ADCY8: variants seen among roughly 807,000 people sequenced by gnomAD.
ADCY8 encodes the protein adenylate cyclase type 8.
A neutral mutation model predicts 119.7 loss-of-function variants in ADCY8; 51 were observed. That is an observed-to-expected ratio of 0.43 (90% confidence interval 0.34 to 0.54). The LOEUF (loss-of-function observed/expected upper bound fraction) is 0.54, where lower values mean the gene tolerates loss of function less well. Among genes scored for constraint, ADCY8 ranks in the 20% least tolerant of loss-of-function variants. The probability of loss-of-function intolerance (pLI) is 0.03; values close to 1 mark genes in which losing one functional copy is unlikely to be tolerated. For synonymous variants in ADCY8, 665 were observed against 651.0 expected, an observed-to-expected ratio of 1.02 and a Z score of -0.33; for missense variants, 1,383 against 1,598.8, an observed-to-expected ratio of 0.87 and a Z score of 2.30.
chr8:130,812,507 A>G (rs1217770866), intron 14 of ADCY8, among the ~76,000 whole-genome samples: 2 of 152,208 alleles, frequency 1.3e-5, no homozygotes. Context: ...TTAAAAGGAG[A>G]GTACACTTGT....
intron 8 of ADCY8, among the ~76,000 whole-genome samples, chr8:130,875,951 T>C (rs1818546517): frequency 6.6e-6 from 1 of 152,222 alleles, no homozygotes; most frequent in Non-Finnish European, 1.5e-5. Context: ...TGGTTCATAG[T>C]AAGCACTATT....
chr8:130,866,163 G>T (rs1456840724), intron 9 of ADCY8, among the ~76,000 whole-genome samples: 1 of 151,944 alleles, frequency 6.6e-6, no homozygotes, highest in Non-Finnish European at 1.5e-5. Flanking sequence ...TAGTCCATGA[G>T]GTTTTTGGTT....
At chr8:130,895,303 A>C (rs1819348588) in intron 7 of ADCY8, among the ~76,000 whole-genome samples, 1 of 152,076 alleles carries the variant, frequency 6.6e-6, no homozygotes, top group Non-Finnish European at 1.5e-5. Flanking sequence ...TGTGTAGAAA[A>C]GTTTTAGCAG....
At chr8:130,932,881 T>G (rs1229884020) in intron 5 of ADCY8, among the ~76,000 whole-genome samples, 2 of 152,216 alleles carry the variant, frequency 1.3e-5, no homozygotes, top group Admixed American at 1.3e-4. Context: ...ATGTTTGGAA[T>G]GATCAGTGAG....
chr8:130,849,895 A>G lies in ADCY8; in HGVS notation c.2211-92T>C, dbSNP rs749396590. 45 of 1,024,622 alleles carry G rather than the reference A, an allele frequency of 4.4e-5. 1 individual carries two copies. The highest frequency in any genetic ancestry group is 5.9e-4 in the Middle Eastern group (2 of 3,378). The allele number at this position is 1,024,622 out of a possible 1,614,324, so 63.5% of individuals were successfully genotyped here. ...CTGGTCTTCCTTTCCCATCCCTTGC[A>G]TCGGATACTTCTTTGAAAGTTCTGT... On this transcript the variant is annotated intron_variant, in intron 9 of 17. Coordinates refer to ENST00000286355, the MANE Select transcript of ADCY8 (RefSeq NM_001115.3).
At chr8:130,807,328 T>C (rs555980615) in intron 14 of ADCY8, among the ~76,000 whole-genome samples, 1 of 152,350 alleles carries the variant, frequency 6.6e-6, no homozygotes, top group Admixed American at 6.5e-5. Context: ...CATTCAGGTC[T>C]CTGATCAAAT....
chr8:130,894,639 A>G (rs1819320520), intron 7 of ADCY8, among the ~76,000 whole-genome samples: 2 of 152,286 alleles, frequency 1.3e-5, no homozygotes, highest in South Asian at 2.1e-4. Context: ...ACTTCCATCC[A>G]TACTGTATGC....
intron 8 of ADCY8, among the ~76,000 whole-genome samples, chr8:130,876,476 C>T (rs1818570160): frequency 2.9e-5 from 2 of 69,568 alleles, no homozygotes; most frequent in Non-Finnish European, 4.0e-5. Context: ...AACGGTGGTT[C>T]GAGGACTCAT....
At chr8:130,803,709 T>C (rs1815854492) in intron 14 of ADCY8, among the ~76,000 whole-genome samples, 1 of 152,246 alleles carries the variant, frequency 6.6e-6, no homozygotes, top group Non-Finnish European at 1.5e-5. Flanking sequence ...GTCATTGTTT[T>C]GGATCACACA....
intron 4 of ADCY8, among the ~76,000 whole-genome samples, chr8:130,941,236 C>G (rs541953091): frequency 6.6e-6 from 1 of 152,334 alleles, no homozygotes; most frequent in African/African-American, 2.4e-5. Flanking sequence ...ACACAGCACC[C>G]TGGAAGCCTG....
At chr8:130,827,230 A>G (rs2130227777) in intron 12 of ADCY8, among the ~76,000 whole-genome samples, 1 of 152,306 alleles carries the variant, frequency 6.6e-6, no homozygotes, top group East Asian at 1.9e-4. Context: ...GCATCCCCAA[A>G]TTATTTTCCT....
At chr8:130,819,662 T>G (rs535658949) in intron 13 of ADCY8, among the ~76,000 whole-genome samples, 1 of 152,218 alleles carries the variant, frequency 6.6e-6, no homozygotes, top group Admixed American at 6.5e-5. Context: ...AATCTGTTTT[T>G]GTAGTTCTCA....
intron 1 of ADCY8, among the ~76,000 whole-genome samples, chr8:131,020,878 T>C (rs572268943): frequency 4.3e-4 from 65 of 152,266 alleles, no homozygotes; most frequent in Middle Eastern, 3.4e-3. Context: ...CCAGCAATAA[T>C]TGTTGCCTGG....
intron 2 of ADCY8, among the ~76,000 whole-genome samples, chr8:130,966,138 G>T (rs888209293): frequency 6.6e-6 from 1 of 152,172 alleles, no homozygotes; most frequent in Non-Finnish European, 1.5e-5. Flanking sequence ...GCTGGACTTT[G>T]GGAACAAAAG....
At chr8:130,990,874 T>A (rs1822556765) in intron 1 of ADCY8, 1 of 177,006 alleles carries the variant, frequency 5.6e-6, no homozygotes, top group Middle Eastern at 2.4e-3. Context: ...AGCAAAAGCC[T>A]CTGGCTTTTA....
intron 14 of ADCY8, among the ~76,000 whole-genome samples, chr8:130,813,244 G>C (rs1310470948): frequency 3.9e-5 from 6 of 152,158 alleles, no homozygotes; most frequent in African/African-American, 1.4e-4. Flanking sequence ...ACTGCGCCCG[G>C]CCATCTTGAC....
intron 1 of ADCY8, 79 bp from the exon 2 acceptor site, chr8:130,990,621 A>G (rs1382077448): frequency 5.2e-6 from 8 of 1,538,980 alleles, no homozygotes; most frequent in Non-Finnish European, 6.2e-6. Flanking sequence ...AATAAATATG[A>G]ATTTCCAAGG....
At position 130,903,772 on chromosome 8, in the gene ADCY8, A is replaced by T. The variant is rs373297567; in HGVS notation, c.1911T>A (p.Asn637Lys). Reference protein sequence around the residue: ...LPFDNIVGKQNTLAALTRNSI... With the variant: ...LPFDNIVGKQKTLAALTRNSI... ...GCAGAAGGAGGAAGAGAGGACTTAC[A>T]TTCTGTTTCCCCACGATATTATCAA... The change falls in exon 7 of 18, where the codon AAT becomes AAA. Residue 637 changes from asparagine to lysine, a missense_variant and splice_region_variant. Around this residue, in one of 2 missense-constraint regions of ADCY8, gnomAD observed 928 missense variants for 1,163.5 expected, o/e 0.80. Transcript: ENST00000286355. 1.9e-6 allele frequency: 3 copies of T among 1,611,968 alleles called. No individual in the cohort carries two copies.
intron 8 of ADCY8, among the ~76,000 whole-genome samples, chr8:130,870,488 C>T (rs1818315238): frequency 6.6e-6 from 1 of 152,100 alleles, no homozygotes; most frequent in Admixed American, 6.5e-5. Context: ...CATCCGATGA[C>T]CTTCTCTGCT....
Sources: gnomAD v4.1 joint callset for allele counts (sites outside exome capture counted in the v4.1 genomes callset) on GRCh38, gnomAD v4.1.1 for gene constraint, gnomAD v4.1.1 regional missense constraint, MANE v1.5 for transcripts, NCBI Gene and HGNC (gene_info 2026-07-23, HGNC 2026-07-21) for gene names.